The following TBC1D8B variants were observed in gnomAD, a reference collection of about 807,000 sequenced individuals.
The protein encoded by TBC1D8B is RP11-321G1.1.
A neutral mutation model predicts 82.9 loss-of-function variants in TBC1D8B; 75 were observed. The observed-to-expected ratio is 0.90, with a 90% CI of 0.75 to 1.10. TBC1D8B has a LOEUF of 1.10. Ranked by LOEUF, TBC1D8B falls within the 50% of genes least tolerant of loss-of-function variation. The pLI is 0.00. For synonymous variants in TBC1D8B, 276 were observed against 276.8 expected (o/e 1.00, Z 0.03); for missense variants, 794 against 796.9 (o/e 1.00, Z 0.04).
rs752623394 is a variant in TBC1D8B, at chrX:106,873,607, T to C, written c.3005T>C (p.Leu1002Ser). The C allele has an allele frequency of 4.1e-6, 5 of 1,206,983 alleles. No individual in the cohort carries two copies. The highest frequency in any genetic ancestry group is 2.2e-6 in the Non-Finnish European group (2 of 893,876). Residue 1002 changes from leucine (L) to serine (S), a missense_variant, in exon 21 of 21, where the codon TTA (leucine) becomes TCA (serine). Transcript: ENST00000357242. Reference sequence around the variant, plus strand: ...CAGTTTTCAAAGACCCTCTATAACTTATTTCATGAGGACCCTGAAGAAGAA... The same window carrying C: ...CAGTTTTCAAAGACCCTCTATAACTCATTTCATGAGGACCCTGAAGAAGAA... ...FIQFSKTLYN[L>S]FHEDPEEESL...
chrX:106,849,817 A>G, intron 11 of TBC1D8B: 1 of 1,000,290 alleles, frequency 1.0e-6, no homozygotes, highest in Non-Finnish European at 1.3e-6. Context: ...GACTCAATAA[A>G]TAACTCTTCA....
chrX:106,824,229 A>G (rs1931775961), intron 5 of TBC1D8B, among the ~76,000 whole-genome samples: 1 of 111,256 alleles, frequency 9.0e-6, no homozygotes, highest in Non-Finnish European at 1.9e-5. Context: ...AGAAATAGCT[A>G]GTGAAAGCAG....
rs1396136655 is a variant in TBC1D8B, at chrX:106,850,217, C to T, written c.2030C>T (p.Ala677Val). Reference sequence around the variant, plus strand: ...TGTTTCTTCTATGATGGAATAAAGGCCATTTTGCAACTGGGATTGGCAATA... The same window carrying T: ...TGTTTCTTCTATGATGGAATAAAGGTCATTTTGCAACTGGGATTGGCAATA... The part of the protein sequence containing the change: ...VDCFFYDGIK[A>V]ILQLGLAILD... The change falls in exon 12 of 21, where the codon GCC becomes GTC. Residue 677 changes from alanine (A) to valine (V), a missense_variant. Coordinates refer to ENST00000357242, the MANE Select transcript of TBC1D8B (RefSeq NM_017752.3). The T allele has an allele frequency of 2.5e-6, 3 of 1,211,141 alleles. No homozygotes were observed. Among genetic ancestry groups the T allele is most frequent in the South Asian group, 3.5e-5 (2 of 56,873 alleles).
chrX:106,873,818 A>G lies in TBC1D8B; in HGVS notation c.3216A>G (p.Glu1072=), dbSNP rs779589154. 5.0e-6 allele frequency: 6 copies of G among 1,210,289 alleles called. No homozygotes were observed. The highest frequency in any genetic ancestry group is 6.7e-6 in the Non-Finnish European group (6 of 895,300). ...LEKDPCSFRE[E]PQWSFAFEQI... Reference sequence around the variant, plus strand: ...AAGATCCTTGTTCCTTTAGGGAGGAACCTCAGTGGTCATTTGCATTTGAAC... The same window carrying G: ...AAGATCCTTGTTCCTTTAGGGAGGAGCCTCAGTGGTCATTTGCATTTGAAC... Residue 1072 remains glutamate, a synonymous_variant, in exon 21 of 21, where the codon GAA becomes GAG. Coordinates refer to ENST00000357242, the MANE Select transcript of TBC1D8B (RefSeq NM_017752.3).
At chrX:106,867,825 C>T (rs1291334673) in intron 17 of TBC1D8B, among the ~76,000 whole-genome samples, 1 of 111,353 alleles carries the variant, frequency 9.0e-6, no homozygotes, top group East Asian at 2.8e-4. Flanking sequence ...AAATCACAAA[C>T]ACATCATTAA....
At chrX:106,839,248 T>G (rs1276119661) in intron 7 of TBC1D8B, 60 bp from the exon 8 acceptor site, 3 of 1,047,336 alleles carry the variant, frequency 2.9e-6, no homozygotes, top group Admixed American at 3.4e-5. Flanking sequence ...ACATTAGAAC[T>G]TTTTTTTCTT....
At chrX:106,862,766 GTTTTTTTTTGTTTTTTTTT>G (rs1932784939) in intron 14 of TBC1D8B, among the ~76,000 whole-genome samples, 2 of 35,801 alleles carry the variant, frequency 5.6e-5, no homozygotes, top group Non-Finnish European at 1.1e-4. Flanking sequence ...CTTTGGATGG[GTTTTTTTTTGTTTTTTTTT>G]TTTTTTTTTT....
chrX:106,840,531 C>T (rs769332148), intron 9 of TBC1D8B, 139 bp from the exon 10 acceptor site: 1 of 563,904 alleles, frequency 1.8e-6, no homozygotes, highest in East Asian at 3.5e-5. Flanking sequence ...TAGTGTAAAG[C>T]TCTTTTCTGT....
chrX:106,871,614 C>T (rs896920914), intron 20 of TBC1D8B, among the ~76,000 whole-genome samples: 2 of 111,368 alleles, frequency 1.8e-5, no homozygotes, highest in Non-Finnish European at 3.8e-5. Flanking sequence ...AATTAAATTC[C>T]AACACTATCT....
intron 13 of TBC1D8B, 92 bp from the exon 14 acceptor site, chrX:106,854,106 C>A: frequency 1.5e-6 from 1 of 652,978 alleles, no homozygotes; most frequent in Non-Finnish European, 2.2e-6. Context: ...GAATCAAGGC[C>A]TCCAAGAATT....
At chrX:106,811,412 G>A (rs1263522833) in intron 1 of TBC1D8B, among the ~76,000 whole-genome samples, 2 of 111,359 alleles carry the variant, frequency 1.8e-5, no homozygotes, top group Non-Finnish European at 3.8e-5. Context: ...TGTAGTCCCA[G>A]CTACACGGAA....
Position 106,873,926 on chromosome X carries a change from T to C in TBC1D8B, c.3324T>C (p.Asn1108=). 1 of 1,202,356 alleles carries C rather than the reference T, an allele frequency of 8.3e-7. No individual in the cohort carries two copies. Residue 1108 remains asparagine (N), a synonymous_variant, in exon 21 of 21, where the codon AAT becomes AAC. Coordinates refer to ENST00000357242, the MANE Select transcript of TBC1D8B (RefSeq NM_017752.3). ...KPIDVKAKLE[N]ARISQLRSRT... is the part of the protein sequence containing the mutation. Reference sequence around the variant, plus strand: ...TAGATGTAAAAGCCAAGCTGGAAAATGCAAGAATTTCTCAGTTAAGGTCTA... The same window carrying C: ...TAGATGTAAAAGCCAAGCTGGAAAACGCAAGAATTTCTCAGTTAAGGTCTA...
At chrX:106,863,861 C>T (rs1306552590) in intron 14 of TBC1D8B, among the ~76,000 whole-genome samples, 1 of 111,702 alleles carries the variant, frequency 9.0e-6, no homozygotes, top group Non-Finnish European at 1.9e-5. Context: ...AGGTGTTGCT[C>T]GCCTGGCTAC....
At position 106,826,110 on chromosome X, in the gene TBC1D8B, A is replaced by C; in HGVS notation, c.908A>C (p.His303Pro). ...LPKGESLKEVHECFLWVPFSH... is the reference protein window; with the variant it reads ...LPKGESLKEVPECFLWVPFSH... Reference sequence around the variant, plus strand: ...AAAGGAGAGAGTTTGAAAGAAGTACATGAATGTTTCTTATGGGTACCATTC... The same window carrying C: ...AAAGGAGAGAGTTTGAAAGAAGTACCTGAATGTTTCTTATGGGTACCATTC... Residue 303 changes from histidine to proline, a missense_variant, in exon 6 of 21, where the codon CAT becomes CCT. Coordinates refer to ENST00000357242, the MANE Select transcript of TBC1D8B (RefSeq NM_017752.3). 8.3e-7 allele frequency: 1 copy of C among 1,210,718 alleles called. No individual in the cohort carries two copies. The highest frequency in any genetic ancestry group is 1.1e-6 in the Non-Finnish European group (1 of 894,780).
chrX:106,818,231 A>T (rs1156447727), intron 1 of TBC1D8B, among the ~76,000 whole-genome samples: 1 of 111,217 alleles, frequency 9.0e-6, no homozygotes, highest in Non-Finnish European at 1.9e-5. Context: ...TTGTAGTAGG[A>T]TCTGTTTTAA....
In TBC1D8B at chrX:106,875,461, A is replaced by G. The variant is rs1390126530; in HGVS notation, c.*1496A>G. The G allele has an allele frequency of 8.9e-6, 1 of 112,305 alleles. No individual in the cohort carries two copies. Among genetic ancestry groups the G allele is most frequent in the African/African-American group, 3.2e-5 (1 of 30,946 alleles). 9.3% of individuals were successfully genotyped at this position (112,305 alleles called of 1,213,427 possible). ...TTCAAGTTGAGCCTTTGAAAATCCC[A>G]TAAATTGGTTTTAGCTAAACACTTA... is the stretch of plus-strand genomic sequence containing the variant. On this transcript the variant is annotated 3_prime_UTR_variant, in exon 21 of 21. Coordinates refer to ENST00000357242, the MANE Select transcript of TBC1D8B (RefSeq NM_017752.3).
At chrX:106,846,471 A>G (rs1423957512) in intron 10 of TBC1D8B, among the ~76,000 whole-genome samples, 1 of 109,155 alleles carries the variant, frequency 9.2e-6, no homozygotes, top group East Asian at 2.9e-4. Flanking sequence ...GCAATTTAAA[A>G]TGCCACAGAG....
Position 106,854,444 on chromosome X carries a change from T to C in TBC1D8B, c.2352+148T>C, listed in dbSNP as rs771196840. ...CCAAGGTTTACCCTATGGTAAATTC[T>C]TTTTTAGAGAAAATACATTATTTTC... On this transcript the variant is annotated intron_variant, in intron 14 of 20. Coordinates refer to ENST00000357242, the MANE Select transcript of TBC1D8B (RefSeq NM_017752.3). 5.0e-5 allele frequency: 18 copies of C among 356,621 alleles called. No individual in the cohort carries two copies. In the East Asian group the frequency reaches 8.1e-4, roughly 16 times the overall value. The allele number at this position is 356,621 out of a possible 1,213,427, so 29.4% of individuals were successfully genotyped here. A position where few individuals can be genotyped will look rare whatever the true frequency, so the allele number is the denominator to read the frequency against.
intron 14 of TBC1D8B, among the ~76,000 whole-genome samples, chrX:106,855,356 A>C (rs1932674485): frequency 8.9e-6 from 1 of 112,661 alleles, no homozygotes; most frequent in Admixed American, 9.4e-5. Context: ...ACATAAATGT[A>C]AAAAGTAGAT....
Sources: gnomAD v4.1 joint callset for allele counts (sites outside exome capture counted in the v4.1 genomes callset) on GRCh38, gnomAD v4.1.1 for gene constraint, MANE v1.5 for transcripts, NCBI Gene and HGNC (gene_info 2026-07-23, HGNC 2026-07-21) for gene names.